Variants in HSPG2 observed in about 807,000 individuals in gnomAD.
HSPG2 encodes the protein heparan sulfate proteoglycan 2, also known as basement membrane-specific heparan sulfate proteoglycan core protein.
In HSPG2, 278 loss-of-function variants were observed where a neutral mutation model predicts 526.6. That is an observed-to-expected ratio of 0.53 (90% CI 0.48 to 0.58). The LOEUF (loss-of-function observed/expected upper bound fraction) is 0.58, where lower values mean the gene tolerates loss of function less well. Ranked by LOEUF, HSPG2 falls within the 20% of genes least tolerant of loss-of-function variation. The pLI, the probability that HSPG2 is intolerant of heterozygous loss-of-function variation, is 0.00. For missense variants in HSPG2, 5,354 were observed against 6,099.5 expected (o/e 0.88, Z 4.07); for synonymous variants, 2,465 against 2,555.4 (o/e 0.96, Z 1.07).
Position 21,878,333 on chromosome 1 carries a change from C to A in HSPG2, c.2618-80G>T, listed in dbSNP as rs1412533701. ...CGGGCAGATAGAGGAACAGTGGCTC[C>A]CCAAGGTTCATGAGCTGGGGCAGGG... On this transcript the variant is annotated intron_variant, in intron 20 of 96. Transcript: ENST00000374695. The A allele has an allele frequency of 3.2e-6, 5 of 1,582,528 alleles. 1 individual carries two copies. In the South Asian group the frequency reaches 4.5e-5, roughly 14 times the overall value.
intron 87 of HSPG2, 65 bp from the exon 88 acceptor site, chr1:21,829,144 A>G (rs948015268): frequency 6.6e-7 from 1 of 1,510,488 alleles, no homozygotes; most frequent in Admixed American, 2.0e-5. Context: ...CCTCTCCACC[A>G]CAAACAGGGC....
At chr1:21,924,202 G>C (rs1254637928) in intron 1 of HSPG2, among the ~76,000 whole-genome samples, 2 of 152,192 alleles carry the variant, frequency 1.3e-5, no homozygotes, top group East Asian at 3.9e-4. Flanking sequence ...GTAGCTCATG[G>C]AGCAGGGAAT....
chr1:21,845,912 G>A (rs1349225670), intron 64 of HSPG2, among the ~76,000 whole-genome samples, 196 bp downstream of exon 64: 1 of 152,244 alleles, frequency 6.6e-6, no homozygotes, highest in Non-Finnish European at 1.5e-5. Flanking sequence ...GCAAGCCGTG[G>A]AGAGGGACAG....
In HSPG2 at chr1:21,829,567, G is replaced by A; in HGVS notation, c.11808C>T (p.Gly3936=). 6.2e-7 allele frequency: 1 copy of A among 1,609,766 alleles called. No individual in the cohort carries two copies. The highest frequency in any genetic ancestry group is 8.5e-7 in the Non-Finnish European group (1 of 1,177,568). The change falls in exon 87 of 97, where the codon GGC becomes GGT. Residue 3936 remains glycine (G), a synonymous_variant. Transcript: ENST00000374695. ...TGAGGGCGGGCAGTGCCAGGTAGGA[G>A]CCAGCACCCGACAGCGAGGGGGTGG... The part of the protein sequence containing the change: ...TVTTPSLSGA[G]SYLALPALTN...
In HSPG2 at chr1:21,854,382, C is replaced by A. The variant is rs183115869; in HGVS notation, c.6289-39G>T. 19 of 1,553,574 alleles carry A rather than the reference C, an allele frequency of 1.2e-5. No individual in the cohort carries two copies. In the East Asian group the frequency reaches 4.5e-4, roughly 37 times the overall value. ...AGCCAGAGGTACGTGAGGACAGGGA[C>A]GGGGGCTATTGTCACCACTCCCTCA... On this transcript the variant is annotated intron_variant, in intron 49 of 96. Coordinates refer to ENST00000374695, the MANE Select transcript of HSPG2 (RefSeq NM_005529.7).
At chr1:21,908,430 G>C in intron 1 of HSPG2, 3 of 865,136 alleles carry the variant, frequency 3.5e-6, no homozygotes, top group South Asian at 2.7e-5. Context: ...GCGTGAAGGA[G>C]AATGATCAGA....
rs745476595 is a variant in HSPG2 at position 21,857,241 on chromosome 1, C to G, written c.5394+44G>C. 5.0e-6 allele frequency: 8 copies of G among 1,613,794 alleles called. No individual in the cohort carries two copies. The Admixed American group carries it at 1.3e-4, about 27-fold the overall frequency. On this transcript the variant is annotated intron_variant, in intron 43 of 96. Transcript: ENST00000374695. ...GGGTCATGGGTGGGGCTCAGAGACC[C>G]CAGAAGACAGACTTCCTCCATCCCC...
chr1:21,881,423 G>C lies in HSPG2; in HGVS notation c.1734C>G (p.His578Gln). Reference protein sequence around the residue: ...STQLQIDPSLHEFQLVDLSRR... With the variant: ...STQLQIDPSLQEFQLVDLSRR... ...GGGACAGGTCGACTAGCTGGAACTC[G>C]TGCAGGGATGGGTCGATCTGCAGCT... The change falls in exon 14 of 97, where the codon CAC becomes CAG. Residue 578 changes from histidine to glutamine, a missense_variant. Coordinates refer to ENST00000374695, the MANE Select transcript of HSPG2 (RefSeq NM_005529.7). 1 of 1,614,022 alleles carries C rather than the reference G, an allele frequency of 6.2e-7. No homozygotes were observed. Among genetic ancestry groups the C allele is most frequent in the Non-Finnish European group, 8.5e-7 (1 of 1,180,030 alleles).
At position 21,841,589 on chromosome 1, in the gene HSPG2, G is replaced by T; in HGVS notation, c.9278C>A (p.Ala3093Asp). Residue 3093 changes from alanine (A) to aspartate (D), a missense_variant, in exon 70 of 97, where the codon GCC becomes GAC. Coordinates refer to ENST00000374695, the MANE Select transcript of HSPG2 (RefSeq NM_005529.7). ...CTGGGCCACACCGTAGGCATTGGAG[G>T]CCACGCAGCGGTAGGTACCGTGGTT... ...PSNHGTYRCV[A>D]SNAYGVAQSV... 6.2e-7 allele frequency: 1 copy of T among 1,614,232 alleles called. No individual in the cohort carries two copies.
rs1202958488 is a variant in HSPG2 at position 21,848,525 on chromosome 1, A to G, written c.7737+118T>C. On this transcript the variant is annotated intron_variant, in intron 59 of 96. Transcript: ENST00000374695. The surrounding 1 kb of genome is among the most constrained non-coding windows in gnomAD (Gnocchi z 4.9). ...CTGGTCTAGGACCCATCCAGCAAGG[A>G]TACTCAATGTTTGTTGAATGACTGA... is the stretch of plus-strand genomic sequence containing the variant. 3 of 1,200,586 alleles carry G rather than the reference A, an allele frequency of 2.5e-6. No individual in the cohort carries two copies. The highest frequency in any genetic ancestry group is 3.7e-6 in the Non-Finnish European group (3 of 811,540). 74.4% of individuals were successfully genotyped at this position (1,200,586 alleles called of 1,614,324 possible). A position where few individuals can be genotyped will look rare whatever the true frequency, so the allele number is the denominator to read the frequency against.
In HSPG2 at chr1:21,895,610, G is replaced by A. The variant is rs1642691255; in HGVS notation, c.244+312C>T. 6.6e-6 allele frequency among the ~76,000 whole-genome samples: 1 copy of A among 152,212 alleles called. No individual in the cohort carries two copies. The highest frequency in any genetic ancestry group is 1.5e-5 in the Non-Finnish European group (1 of 68,028). On this transcript the variant is annotated intron_variant, in intron 3 of 96. Transcript: ENST00000374695. The surrounding 1 kb of genome is among the most constrained non-coding windows in gnomAD (Gnocchi z 4.1). ...GGACTCAACAGCTGAGCTGCCCTGG[G>A]AGGTGAGAACTTTGCTTTGAATGTG... is the stretch of plus-strand genomic sequence containing the variant.
chr1:21,884,854 G>C lies in HSPG2; in HGVS notation c.1420C>G (p.Gln474Glu), dbSNP rs1572357769. Reference protein sequence around the residue: ...LIIRDVKESDQGAYTCEAMNA... With the variant: ...LIIRDVKESDEGAYTCEAMNA... ...ATGGCCTCACAGGTGTAGGCACCCT[G>C]GTCTGACTCCTTCACATCACGGATG... Residue 474 changes from glutamine to glutamate, a missense_variant, in exon 12 of 97, where the codon CAG becomes GAG. By Grantham distance (29) the Gln-to-Glu change is conservative (BLOSUM62 2). Transcript: ENST00000374695. The C allele has an allele frequency of 6.2e-7, 1 of 1,613,848 alleles. No individual in the cohort carries two copies. Among genetic ancestry groups the C allele is most frequent in the Non-Finnish European group, 8.5e-7 (1 of 1,180,040 alleles).
rs751758173 is a variant in HSPG2, at chr1:21,872,845, A to G, written c.3889-85T>C. On this transcript the variant is annotated intron_variant, in intron 31 of 96. Transcript: ENST00000374695. The surrounding 1 kb of genome is among the most constrained non-coding windows in gnomAD (Gnocchi z 5.5). Reference sequence around the variant, plus strand: ...CAGCCTGAGGCCAGCCTCCCTGGCCACTTCCAGCAGCCCCGGGCAGCCCCT... The same window carrying G: ...CAGCCTGAGGCCAGCCTCCCTGGCCGCTTCCAGCAGCCCCGGGCAGCCCCT... 5.8e-6 allele frequency: 9 copies of G among 1,558,048 alleles called. No homozygotes were observed. The highest frequency in any genetic ancestry group is 7.9e-6 in the Non-Finnish European group (9 of 1,141,060).
At chr1:21,928,979 C>T (rs1397436330) in intron 1 of HSPG2, among the ~76,000 whole-genome samples, 2 of 151,706 alleles carry the variant, frequency 1.3e-5, no homozygotes, top group African/African-American at 2.4e-5. Flanking sequence ...AGGCTGGTCT[C>T]GAACTCCCAA....
rs1643283275 is a variant in HSPG2 at position 21,904,815 on chromosome 1, T to G, written c.64-8505A>C. 6.6e-6 allele frequency among the ~76,000 whole-genome samples: 1 copy of G among 152,184 alleles called. No individual in the cohort carries two copies. Among genetic ancestry groups the G allele is most frequent in the Non-Finnish European group, 1.5e-5 (1 of 68,026 alleles). On this transcript the variant is annotated intron_variant, in intron 1 of 96. Transcript: ENST00000374695. The surrounding 1 kb of genome is among the most constrained non-coding windows in gnomAD (Gnocchi z 4.4). ...AGCGTTCACGTGCCAGCCTCCTGCA[T>G]GCAGCCTGGCTTGGTTCTCAGGTTC...
intron 86 of HSPG2, 192 bp from the exon 87 acceptor site, chr1:21,829,796 A>G (rs1406142119): frequency 5.7e-6 from 4 of 698,054 alleles, no homozygotes; most frequent in Non-Finnish European, 9.7e-6. Flanking sequence ...GAGCTCCAAT[A>G]TGACAGGGGT....
chr1:21,882,515 T>A (rs1411172123), intron 13 of HSPG2, among the ~76,000 whole-genome samples: 1 of 151,992 alleles, frequency 6.6e-6, no homozygotes, highest in East Asian at 1.9e-4. Flanking sequence ...TAGAGAACTT[T>A]CGGTGGAGTG....
At chr1:21,861,668 G>C in intron 39 of HSPG2, 89 bp downstream of exon 39, 1 of 1,213,346 alleles carries the variant, frequency 8.2e-7, no homozygotes, top group Non-Finnish European at 1.2e-6. Flanking sequence ...TCCTAGAAGA[G>C]ACTTTTCTGA....
In HSPG2 at chr1:21,832,378, C is replaced by T. The variant is rs530229051; in HGVS notation, c.11207+117G>A. On this transcript the variant is annotated intron_variant, in intron 81 of 96. Coordinates refer to ENST00000374695, the MANE Select transcript of HSPG2 (RefSeq NM_005529.7). ...CAGATTGGGTGGTCACCAAGGGTAA[C>T]GGCCACATTTTCTCCTTCCTCCAGA... 58 of 851,112 alleles carry T rather than the reference C, an allele frequency of 6.8e-5. No individual in the cohort carries two copies. The East Asian group carries it at 1.1e-3, about 16-fold the overall frequency. The allele number at this position is 851,112 out of a possible 1,614,324, so 52.7% of individuals were successfully genotyped here.
Sources: allele counts gnomAD v4.1 joint callset (sites outside exome capture counted in the v4.1 genomes callset), GRCh38; gene constraint gnomAD v4.1.1; non-coding constraint Gnocchi (gnomAD v3.1); transcripts MANE v1.5; gene names NCBI Gene and HGNC (gene_info 2026-07-23, HGNC 2026-07-21).